DIAPH2: variants seen among roughly 807,000 people sequenced by gnomAD.
The protein encoded by DIAPH2 is diaphanous related formin 2, also known as protein diaphanous homolog 2.
Under a neutral mutation model 92.7 loss-of-function variants are expected in DIAPH2, and 35 were observed. The observed-to-expected ratio is 0.38, with a 90% CI of 0.29 to 0.50. The LOEUF (loss-of-function observed/expected upper bound fraction) is 0.50, where lower values mean the gene tolerates loss of function less well. Ranked by LOEUF, DIAPH2 falls within the 20% of genes least tolerant of loss-of-function variation. The pLI, the probability that DIAPH2 is intolerant of heterozygous loss-of-function variation, is 0.94. For missense variants in DIAPH2, 701 were observed against 819.5 expected (o/e 0.86, Z 1.77); for synonymous variants, 301 against 280.4 (o/e 1.07, Z -0.73).
chrX:96,945,653 AC>A, intron 14 of DIAPH2, 62 bp downstream of exon 14: 3 of 804,879 alleles, frequency 3.7e-6, no homozygotes, highest in Non-Finnish European at 5.1e-6. Flanking sequence ...GTAATACTCT[AC>A]CTTCTTTATT....
rs149688137 is a variant in DIAPH2, at chrX:97,517,105, A to T, written c.3242-82148A>T. Among the ~76,000 whole-genome samples, 532 of 111,903 alleles carry T rather than the reference A, an allele frequency of 4.8e-3. 5 individuals carry two copies. Among genetic ancestry groups the T allele is most frequent in the African/African-American group, 0.017 (509 of 30,719 alleles). ...TGGAGTCCATAGTGATGGACCTCAC[A>T]GGTTTTTTTCGAGTTAATTTTTGCA... On this transcript the variant is annotated intron_variant, in intron 26 of 26. Transcript: ENST00000324765.
intron 26 of DIAPH2, among the ~76,000 whole-genome samples, chrX:97,583,912 T>C (rs757420992): frequency 2.7e-5 from 3 of 112,515 alleles, no homozygotes; most frequent in African/African-American, 9.7e-5. Context: ...AAGCGCAGTA[T>C]TCGGGTGGGA....
At chrX:96,892,809 T>G (rs1434502334) in intron 5 of DIAPH2, among the ~76,000 whole-genome samples, 2 of 111,765 alleles carry the variant, frequency 1.8e-5, no homozygotes, top group Non-Finnish European at 3.8e-5. Context: ...ATACATTTTC[T>G]CGTTTAAATG....
At chrX:97,504,666 T>C (rs1424544641) in intron 26 of DIAPH2, among the ~76,000 whole-genome samples, 1 of 112,334 alleles carries the variant, frequency 8.9e-6, no homozygotes, top group Non-Finnish European at 1.9e-5. Context: ...TACTGTTTCT[T>C]TCACATGCAA....
At chrX:97,357,528 A>G (rs1921033952) in intron 24 of DIAPH2, among the ~76,000 whole-genome samples, 1 of 106,214 alleles carries the variant, frequency 9.4e-6, no homozygotes, top group African/African-American at 3.4e-5. Flanking sequence ...AGCCCTCCCT[A>G]ACTTCCATTT....
chrX:97,252,582 A>T (rs1167110955), intron 23 of DIAPH2, among the ~76,000 whole-genome samples: 2 of 111,961 alleles, frequency 1.8e-5, no homozygotes, highest in Non-Finnish European at 3.8e-5. Context: ...ACCACCAGTG[A>T]CATTGATCAC....
chrX:96,724,446 G>A (rs1223273565), intron 1 of DIAPH2, among the ~76,000 whole-genome samples: 1 of 111,925 alleles, frequency 8.9e-6, no homozygotes, highest in Non-Finnish European at 1.9e-5. Context: ...TCATAATTCA[G>A]ACTTTCTCTG....
At chrX:96,812,958 G>A (rs776953103) in intron 4 of DIAPH2, among the ~76,000 whole-genome samples, 8 of 111,614 alleles carry the variant, frequency 7.2e-5, no homozygotes, top group African/African-American at 2.6e-4. Flanking sequence ...GTCAATTTTG[G>A]AATAAGTGTG....
chrX:97,368,899 C>CTTTTTTTTTTTTTTTT (rs386417287), intron 24 of DIAPH2, among the ~76,000 whole-genome samples: 1 of 52,058 alleles, frequency 1.9e-5, no homozygotes, highest in Non-Finnish European at 3.2e-5. Context: ...TCTACCCTTT[C>CTTTTTTTTTTTTTTTT]TTTTTTTTTT....
chrX:96,767,284 ACT>A (rs1394770915), intron 4 of DIAPH2, among the ~76,000 whole-genome samples: 15 of 111,062 alleles, frequency 1.4e-4, no homozygotes, highest in Non-Finnish European at 2.3e-4. Context: ...CACGATACAG[ACT>A]CTATGAAGGA....
chrX:97,576,160 C>T (rs376349882), intron 26 of DIAPH2, among the ~76,000 whole-genome samples: 2 of 110,995 alleles, frequency 1.8e-5, no homozygotes, highest in South Asian at 7.7e-4. Context: ...TGACCATGCA[C>T]GCTTCTTCAT....
At chrX:97,170,863 A>T (rs1252473940) in intron 22 of DIAPH2, among the ~76,000 whole-genome samples, 1 of 111,096 alleles carries the variant, frequency 9.0e-6, no homozygotes, top group African/African-American at 3.3e-5. Flanking sequence ...TTTCTTTTTT[A>T]AAAAATTATT....
intron 22 of DIAPH2, among the ~76,000 whole-genome samples, chrX:97,215,958 T>C (rs1015595749): frequency 8.9e-6 from 1 of 112,123 alleles, no homozygotes; most frequent in African/African-American, 3.2e-5. Context: ...AATTGCTCTA[T>C]TTCCTTTATT....
At chrX:96,700,093 C>T (rs988500626) in intron 1 of DIAPH2, among the ~76,000 whole-genome samples, 1 of 111,903 alleles carries the variant, frequency 8.9e-6, no homozygotes, top group Non-Finnish European at 1.9e-5. Flanking sequence ...ACTGCAGCCT[C>T]GACCTCCCTG....
chrX:97,563,284 A>G (rs1045573287), intron 26 of DIAPH2, among the ~76,000 whole-genome samples: 1 of 112,103 alleles, frequency 8.9e-6, no homozygotes, highest in Non-Finnish European at 1.9e-5. Flanking sequence ...GATGACAATG[A>G]AAGTAGATGC....
At chrX:96,810,390 T>C (rs2064668247) in intron 4 of DIAPH2, among the ~76,000 whole-genome samples, 1 of 112,073 alleles carries the variant, frequency 8.9e-6, no homozygotes, top group Admixed American at 9.4e-5. Context: ...GTAAATTTGT[T>C]TGAGTTCTTT....
At chrX:97,200,158 C>G (rs956985022) in intron 22 of DIAPH2, among the ~76,000 whole-genome samples, 46 of 112,268 alleles carry the variant, frequency 4.1e-4, no homozygotes, top group Non-Finnish European at 4.9e-4. Context: ...CTACCCGCCC[C>G]AGATACTACG....
chrX:96,952,761 TAAATG>T (rs942888154), intron 15 of DIAPH2, among the ~76,000 whole-genome samples: 8 of 109,532 alleles, frequency 7.3e-5, no homozygotes, highest in Non-Finnish European at 1.5e-4. Flanking sequence ...TAAAATAAAA[TAAATG>T]AAAAAGGTAT....
At chrX:97,512,450 T>C (rs1226357076) in intron 26 of DIAPH2, among the ~76,000 whole-genome samples, 1,582 of 51,749 alleles carry the variant, frequency 0.031, no homozygotes, top group African/African-American at 0.056. Flanking sequence ...TTGATCCTTT[T>C]AAAAAACCAG....
Sources: allele counts gnomAD v4.1 joint callset (sites outside exome capture counted in the v4.1 genomes callset), GRCh38; gene constraint gnomAD v4.1.1; transcripts MANE v1.5; gene names NCBI Gene and HGNC (gene_info 2026-07-23, HGNC 2026-07-21).